Variants in CASK observed in about 807,000 individuals in gnomAD.
The protein encoded by CASK is calcium/calmodulin dependent serine protein kinase, also known as peripheral plasma membrane protein CASK.
In CASK, 4 loss-of-function variants were observed where a neutral mutation model predicts 82.9. That is an observed-to-expected ratio of 0.05 (90% CI 0.02 to 0.11). The LOEUF is 0.11. CASK is among the 10% of genes least tolerant of loss of function. The probability of loss-of-function intolerance (pLI) is 1.00; values close to 1 mark genes in which losing one functional copy is unlikely to be tolerated. For missense variants in CASK, 358 were observed against 720.9 expected, an observed-to-expected ratio of 0.50 and a Z score of 5.76; for synonymous variants, 259 against 253.5, an observed-to-expected ratio of 1.02 and a Z score of -0.20.
intron 9 of CASK, among the ~76,000 whole-genome samples, chrX:41,627,768 C>T (rs183718946): frequency 2.2e-4 from 25 of 112,544 alleles, no homozygotes; most frequent in African/African-American, 6.4e-4. Flanking sequence ...TTTGGGAGGC[C>T]GAGGCGGGTG....
Position 41,923,178 on chromosome X carries a change from G to A in CASK, c.-190C>T, listed in dbSNP as rs2072819122. 2.5e-5 allele frequency: 4 copies of A among 161,628 alleles called. No individual in the cohort carries two copies. Among genetic ancestry groups the A allele is most frequent in the Admixed American group, 8.5e-5 (1 of 11,784 alleles). 13.3% of individuals were successfully genotyped at this position (161,628 alleles called of 1,213,427 possible). On this transcript the variant is annotated 5_prime_UTR_variant, in exon 1 of 27. Transcript: ENST00000378163. ...GCCTTCCTCTGCAGGCGACCGCCCC[G>A]GCGCGGGCGGCGGGGCCGGGGCGCG...
At chrX:41,891,331 C>T (rs867960914) in intron 1 of CASK, among the ~76,000 whole-genome samples, 5 of 7,069 alleles carry the variant, frequency 7.1e-4, no homozygotes, top group East Asian at 1.5e-3. Context: ...GGTGGGGGGG[C>T]GGGGGGAGCA....
At chrX:41,835,795 T>A (rs1453833783) in intron 2 of CASK, among the ~76,000 whole-genome samples, 1 of 112,437 alleles carries the variant, frequency 8.9e-6, no homozygotes, top group Non-Finnish European at 1.9e-5. Context: ...TCTTTTCCCA[T>A]GCAGTTGATC....
At chrX:41,648,035 A>G (rs567016579) in intron 8 of CASK, among the ~76,000 whole-genome samples, 11 of 112,554 alleles carry the variant, frequency 9.8e-5, no homozygotes, top group African/African-American at 2.9e-4. Context: ...ACTGCTGGAG[A>G]GCCAGGCAGA....
At chrX:41,708,535 G>A (rs923633078) in intron 5 of CASK, among the ~76,000 whole-genome samples, 6 of 112,126 alleles carry the variant, frequency 5.4e-5, no homozygotes, top group Non-Finnish European at 1.1e-4. Context: ...ATTAAGGGCA[G>A]ATGAGTGGCA....
At chrX:41,887,265 G>GGCA (rs1569477196) in intron 1 of CASK, among the ~76,000 whole-genome samples, 1 of 104,509 alleles carries the variant, frequency 9.6e-6, no homozygotes, top group African/African-American at 3.5e-5. Context: ...GCTTCTAAGA[G>GGCA]GCATTTATCT....
At chrX:41,839,159 G>A (rs1388333155) in intron 2 of CASK, among the ~76,000 whole-genome samples, 1 of 111,117 alleles carries the variant, frequency 9.0e-6, no homozygotes, top group African/African-American at 3.3e-5. Flanking sequence ...AAATATTTTA[G>A]GATAAGCCTT....
intron 22 of CASK, among the ~76,000 whole-genome samples, chrX:41,536,837 A>G (rs1188945618): frequency 8.9e-6 from 1 of 111,879 alleles, no homozygotes; most frequent in Admixed American, 9.5e-5. Context: ...ATACTGCAGT[A>G]GTAATGGAGT....
intron 1 of CASK, among the ~76,000 whole-genome samples, chrX:41,909,520 T>C (rs1053458730): frequency 1.8e-5 from 2 of 111,962 alleles, no homozygotes; most frequent in Non-Finnish European, 3.8e-5. Context: ...TTAATGTCTA[T>C]AAATCAAACA....
At chrX:41,545,191 A>G (rs1376615012) in intron 21 of CASK, among the ~76,000 whole-genome samples, 1 of 110,654 alleles carries the variant, frequency 9.0e-6, no homozygotes, top group Non-Finnish European at 1.9e-5. Flanking sequence ...ATGCCTGGCT[A>G]ATTTTTGTAT....
intron 2 of CASK, among the ~76,000 whole-genome samples, chrX:41,840,620 A>G (rs917961414): frequency 1.8e-5 from 2 of 112,166 alleles, no homozygotes; most frequent in African/African-American, 6.5e-5. Flanking sequence ...AGGATGTTGA[A>G]CAGGAGTAGG....
intron 2 of CASK, among the ~76,000 whole-genome samples, chrX:41,828,209 T>C (rs1305276072): frequency 8.9e-6 from 1 of 112,162 alleles, no homozygotes; most frequent in Non-Finnish European, 1.9e-5. Context: ...CCCACTTTGA[T>C]GGATCTGTAA....
chrX:41,551,193 C>T (rs5964011), intron 21 of CASK, among the ~76,000 whole-genome samples: 1 of 111,966 alleles, frequency 8.9e-6, no homozygotes. Flanking sequence ...AAAGGGGAAA[C>T]TTCAAATCAA....
At chrX:41,752,682 A>C (rs2068819231) in intron 3 of CASK, among the ~76,000 whole-genome samples, 1 of 111,758 alleles carries the variant, frequency 8.9e-6, no homozygotes, top group South Asian at 3.7e-4. Context: ...TTTTGCCATT[A>C]ATAGACCCAC....
At chrX:41,665,586 C>T in intron 6 of CASK, 134 bp from the exon 7 acceptor site, 3 of 500,794 alleles carry the variant, frequency 6.0e-6, no homozygotes, top group Non-Finnish European at 1.0e-5. Context: ...TCCTCCACCT[C>T]TCCATAAAAT....
chrX:41,580,843 T>C (rs2065565427), intron 14 of CASK, among the ~76,000 whole-genome samples: 1 of 112,446 alleles, frequency 8.9e-6, no homozygotes, highest in Non-Finnish European at 1.9e-5. Context: ...AGCTGTCAGT[T>C]TTAACTACGT....
At chrX:41,822,347 C>G (rs1353455285) in intron 2 of CASK, among the ~76,000 whole-genome samples, 2 of 109,845 alleles carry the variant, frequency 1.8e-5, no homozygotes, top group African/African-American at 6.6e-5. Context: ...TGCCTGAGCT[C>G]AAGAGTTCAA....
intron 3 of CASK, among the ~76,000 whole-genome samples, chrX:41,750,670 A>G (rs374885125): frequency 2.7e-5 from 3 of 112,468 alleles, no homozygotes; most frequent in East Asian, 2.7e-4. Flanking sequence ...AAAATTTATA[A>G]TAAACATGCA....
chrX:41,853,387 T>C (rs2071302995), intron 1 of CASK, among the ~76,000 whole-genome samples, 160 bp from the exon 2 acceptor site: 1 of 111,857 alleles, frequency 8.9e-6, no homozygotes, highest in African/African-American at 3.2e-5. Context: ...TTAAGTAATA[T>C]AACTTCCAAC....
Sources: gnomAD v4.1 joint callset for allele counts (sites outside exome capture counted in the v4.1 genomes callset) on GRCh38, gnomAD v4.1.1 for gene constraint, MANE v1.5 for transcripts, NCBI Gene and HGNC (gene_info 2026-07-23, HGNC 2026-07-21) for gene names.